The following CLPB variants were observed in gnomAD, a reference collection of about 807,000 sequenced individuals.
The protein encoded by CLPB is mitochondrial disaggregase.
Under a neutral mutation model 78.4 loss-of-function variants are expected in CLPB, and 40 were observed. The ratio of observed to expected loss-of-function variants is 0.51; its 90% CI spans 0.40 to 0.66. The LOEUF is 0.66. Ranked by LOEUF, CLPB falls within the 30% of genes least tolerant of loss-of-function variation. The pLI is 0.00. For synonymous variants in CLPB, 333 were observed against 348.0 expected (o/e 0.96, Z 0.48); for missense variants, 780 against 886.9 (o/e 0.88, Z 1.53).
rs1949386438 is a variant in CLPB at position 72,286,223 on chromosome 11, G to GGTTTTTTTTTTTTTTTTTTTTTT, written c.*7143_*7144insAAAAAAAAAAAAAAAAAAAAAAC. 1 of 60,450 alleles carries GGTTTTTTTTTTTTTTTTTTTTTT rather than the reference G, an allele frequency of 1.7e-5. No individual in the cohort carries two copies. The highest frequency in any genetic ancestry group is 3.1e-5 in the Non-Finnish European group (1 of 32,212). The allele number at this position is 60,450 out of a possible 1,614,324, so 3.7% of individuals were successfully genotyped here. A position where few individuals can be genotyped will look rare whatever the true frequency, so the allele number is the denominator to read the frequency against. ...ATTACAGGTGTGAGATACTGCACCT[G>GGTTTTTTTTTTTTTTTTTTTTTT]TTTTTTTTTTTTTTTTTTTTTTTAA... On this transcript the variant is annotated 3_prime_UTR_variant, in exon 16 of 16. Transcript: ENST00000538039.
chr11:72,313,057 G>A (rs1949875641), intron 7 of CLPB, among the ~76,000 whole-genome samples: 1 of 152,190 alleles, frequency 6.6e-6, no homozygotes, highest in East Asian at 1.9e-4. Flanking sequence ...TCCAGCTCAA[G>A]GTTCTAGGGC....
At position 72,387,706 on chromosome 11, in the gene CLPB, T is replaced by C. The variant is rs558997653; in HGVS notation, c.543-7322A>G. On this transcript the variant is annotated intron_variant, in intron 3 of 15. Transcript: ENST00000538039. ...ATCTAAGCTCTTTACCCTCTGTTTG[T>C]ATAATCTCAGCAATAATCACATGAA... Among the ~76,000 whole-genome samples the C allele has an allele frequency of 5.3e-5, 8 of 152,022 alleles. No homozygotes were observed. The East Asian group carries it at 1.5e-3, about 29-fold the overall frequency.
At chr11:72,329,367 G>T (rs1363610743) in intron 6 of CLPB, among the ~76,000 whole-genome samples, 1 of 152,158 alleles carries the variant, frequency 6.6e-6, no homozygotes, top group Non-Finnish European at 1.5e-5. Flanking sequence ...CTTGGGCTAA[G>T]GATTTTGTCT....
chr11:72,300,391 C>T (rs551216942), intron 11 of CLPB, among the ~76,000 whole-genome samples: 13 of 152,240 alleles, frequency 8.5e-5, no homozygotes, highest in East Asian at 1.9e-4. Flanking sequence ...AGGGCACATT[C>T]GGGTCTGGTC....
chr11:72,398,170 T>G (rs1426998369), intron 3 of CLPB, among the ~76,000 whole-genome samples: 1 of 152,152 alleles, frequency 6.6e-6, no homozygotes, highest in Non-Finnish European at 1.5e-5. Flanking sequence ...AGGCTCCCAA[T>G]CCATCCCTCA....
rs770534948 is a variant in CLPB at position 72,380,372 on chromosome 11, G to A, written c.555C>T (p.Val185=). 5.6e-6 allele frequency: 9 copies of A among 1,613,900 alleles called. No individual in the cohort carries two copies. The Admixed American group carries it at 6.7e-5, about 12-fold the overall frequency. The change falls in exon 4 of 16, where the codon GTC becomes GTT. Residue 185 remains valine (V), a synonymous_variant. Coordinates refer to ENST00000538039, the MANE Select transcript of CLPB (RefSeq NM_001258392.3). ...TTGGATCAGCCCCAGCAGCAAGCAG[G>A]ACCTGTACCACACTAGAAGAAATCA... ...AINRNNSVVQ[V]LLAAGADPNL...
At chr11:72,335,569 C>T (rs926280152) in intron 5 of CLPB, among the ~76,000 whole-genome samples, 1 of 152,190 alleles carries the variant, frequency 6.6e-6, no homozygotes, top group Non-Finnish European at 1.5e-5. Flanking sequence ...AAGACTCAGT[C>T]CTAGCTTCTC....
intron 3 of CLPB, among the ~76,000 whole-genome samples, chr11:72,385,476 T>C (rs1855047522): frequency 6.6e-6 from 1 of 152,234 alleles, no homozygotes; most frequent in South Asian, 2.1e-4. Context: ...GCATCATATA[T>C]AAACTTTCTC....
rs114451879 is a variant in CLPB, at chr11:72,343,044, A to G, written c.776-13240T>C. ...GTTTAAGCTTCTGTTGACCAATCCT[A>G]GCCTAATGTGCAGGGCAGAGAAGAG... is the stretch of plus-strand genomic sequence containing the variant. On this transcript the variant is annotated intron_variant, in intron 5 of 15. Transcript: ENST00000538039. 9.9e-3 allele frequency among the ~76,000 whole-genome samples: 1,504 copies of G among 152,314 alleles called. 25 individuals carry two copies. The highest frequency in any genetic ancestry group is 0.035 in the African/African-American group (1,449 of 41,570).
intron 11 of CLPB, among the ~76,000 whole-genome samples, chr11:72,298,265 G>A (rs185527910): frequency 5.8e-4 from 89 of 152,258 alleles, no homozygotes; most frequent in Admixed American, 3.1e-3. Context: ...AGACTGGGTA[G>A]GGGTGAGGCT....
rs886386657 is a variant in CLPB, at chr11:72,349,974, G to A, written c.775+8906C>T. Among the ~76,000 whole-genome samples, 9 of 152,242 alleles carry A rather than the reference G, an allele frequency of 5.9e-5. No homozygotes were observed. In the East Asian group the frequency reaches 1.3e-3, roughly 23 times the overall value. ...GGCCAGGCTCATCTGAGGACTGCTT[G>A]GAGCCGATTAAAGCCTTGATGAAAT... On this transcript the variant is annotated intron_variant, in intron 5 of 15. Coordinates refer to ENST00000538039, the MANE Select transcript of CLPB (RefSeq NM_001258392.3).
At chr11:72,344,913 C>T (rs142217257) in intron 5 of CLPB, among the ~76,000 whole-genome samples, 13 of 152,110 alleles carry the variant, frequency 8.5e-5, no homozygotes, top group Non-Finnish European at 1.2e-4. Context: ...ATAAAATGAC[C>T]GCCAAACATA....
chr11:72,303,246 G>A (rs760619332), intron 9 of CLPB, among the ~76,000 whole-genome samples: 40 of 152,234 alleles, frequency 2.6e-4, no homozygotes, highest in Non-Finnish European at 4.8e-4. Flanking sequence ...CCATCTAAGA[G>A]ACAGCATTCA....
chr11:72,375,711 G>T (rs1187869789), intron 4 of CLPB, among the ~76,000 whole-genome samples: 2 of 152,204 alleles, frequency 1.3e-5, no homozygotes, highest in African/African-American at 4.8e-5. Flanking sequence ...CTCTGTAAAT[G>T]ACTGGGAGCA....
intron 10 of CLPB, 162 bp from the exon 11 acceptor site, chr11:72,302,126 G>C (rs1949667133): frequency 1.0e-6 from 1 of 986,198 alleles, no homozygotes; most frequent in Admixed American, 2.2e-5. Context: ...TCTTCTCTAT[G>C]TTTATTCTTC....
At chr11:72,395,194 T>C (rs1458856935) in intron 3 of CLPB, among the ~76,000 whole-genome samples, 1 of 152,234 alleles carries the variant, frequency 6.6e-6, no homozygotes, top group African/African-American at 2.4e-5. Context: ...GCGGGACTTT[T>C]ATCCCTTTTC....
At chr11:72,387,654 C>T (rs1160167657) in intron 3 of CLPB, among the ~76,000 whole-genome samples, 1 of 150,572 alleles carries the variant, frequency 6.6e-6, no homozygotes, top group Non-Finnish European at 1.5e-5. Flanking sequence ...TAGTGCCTGA[C>T]ACATTAAAAA....
At chr11:72,380,418 G>C (rs773389214) in intron 3 of CLPB, 34 bp from the exon 4 acceptor site, 43 of 1,562,160 alleles carry the variant, frequency 2.8e-5, no homozygotes, top group Non-Finnish European at 4.4e-6. Flanking sequence ...AGTGTCAAAA[G>C]CAAGAAAGGC....
At chr11:72,408,905 G>A (rs1306287861) in intron 2 of CLPB, among the ~76,000 whole-genome samples, 5 of 152,216 alleles carry the variant, frequency 3.3e-5, no homozygotes, top group Admixed American at 2.6e-4. Context: ...CGCTGAGAGA[G>A]GCTGAAAGGG....
Sources: allele counts gnomAD v4.1 joint callset (sites outside exome capture counted in the v4.1 genomes callset), GRCh38; gene constraint gnomAD v4.1.1; transcripts MANE v1.5; gene names NCBI Gene and HGNC (gene_info 2026-07-23, HGNC 2026-07-21).